Variants in CD247 observed in about 807,000 individuals in gnomAD.
The protein encoded by CD247 is CD247 molecule.
Under a neutral mutation model 30.0 loss-of-function variants are expected in CD247, and 13 were observed. That is an observed-to-expected ratio of 0.43 (90% CI 0.28 to 0.69). The LOEUF (loss-of-function observed/expected upper bound fraction) is 0.69, where lower values mean the gene tolerates loss of function less well. Among genes scored for constraint, CD247 ranks in the 30% least tolerant of loss-of-function variants. The pLI is 0.16. For missense variants in CD247, 193 were observed against 212.6 expected (o/e 0.91, Z 0.57); for synonymous variants, 72 against 80.0 (o/e 0.90, Z 0.53).
At chr1:167,504,865 C>T (rs1352836937) in intron 1 of CD247, among the ~76,000 whole-genome samples, 2 of 152,160 alleles carry the variant, frequency 1.3e-5, no homozygotes, top group Non-Finnish European at 2.9e-5. Context: ...CGTTGGTGAA[C>T]AACTGACAGG....
chr1:167,447,963 T>TGGGGG (rs200057872), intron 1 of CD247, among the ~76,000 whole-genome samples: 1 of 16,104 alleles, frequency 6.2e-5, no homozygotes, highest in Non-Finnish European at 1.3e-4. Context: ...GCAGCAGCTA[T>TGGGGG]GGGTGGGGGG....
At chr1:167,462,787 C>T (rs970453858) in intron 1 of CD247, among the ~76,000 whole-genome samples, 10 of 152,330 alleles carry the variant, frequency 6.6e-5, no homozygotes, top group African/African-American at 2.2e-4. Context: ...GAAGCCCTTC[C>T]GGCCCTCATC....
intron 1 of CD247, among the ~76,000 whole-genome samples, chr1:167,462,481 GTC>G (rs901204286): frequency 3.3e-5 from 5 of 152,254 alleles, no homozygotes; most frequent in Non-Finnish European, 5.9e-5. Flanking sequence ...GGACCTAGGC[GTC>G]TCTGCATGTG....
intron 1 of CD247, among the ~76,000 whole-genome samples, chr1:167,509,669 C>T (rs932313060): frequency 6.6e-6 from 1 of 152,146 alleles, no homozygotes; most frequent in African/African-American, 2.4e-5. Context: ...CTCTAGGGAA[C>T]TATTTCTGTT....
intron 1 of CD247, among the ~76,000 whole-genome samples, chr1:167,462,421 G>A (rs1334080474): frequency 6.6e-6 from 1 of 152,236 alleles, no homozygotes; most frequent in East Asian, 1.9e-4. Flanking sequence ...CTCTGGCAAA[G>A]CTGTGCCTCC....
intron 1 of CD247, among the ~76,000 whole-genome samples, chr1:167,453,956 C>T (rs952572547): frequency 2.0e-5 from 3 of 151,828 alleles, no homozygotes; most frequent in African/African-American, 7.3e-5. Context: ...AGAGTTAGAC[C>T]CTGCCTCAAA....
intron 4 of CD247, 28 bp from the exon 5 acceptor site, chr1:167,435,462 AG>A (rs1345088068): frequency 3.1e-6 from 5 of 1,600,216 alleles, no homozygotes; most frequent in Non-Finnish European, 4.3e-6. Flanking sequence ...AAGACGTTAG[AG>A]GGAGAGAAAC....
chr1:167,469,536 C>T (rs1004768301), intron 1 of CD247, among the ~76,000 whole-genome samples: 7 of 152,278 alleles, frequency 4.6e-5, no homozygotes, highest in South Asian at 2.1e-4. Flanking sequence ...AAGACAGTCA[C>T]GGGCATTGAC....
chr1:167,444,682 G>C lies in CD247; in HGVS notation c.59-3915C>G, dbSNP rs747401032. Reference sequence around the variant, plus strand: ...CATGAATGGATTGAGATTCAGACCTGCATCATTACAGGGGCCACAGCATGT... The same window carrying C: ...CATGAATGGATTGAGATTCAGACCTCCATCATTACAGGGGCCACAGCATGT... On this transcript the variant is annotated intron_variant, in intron 1 of 7. Coordinates refer to ENST00000362089, the MANE Select transcript of CD247 (RefSeq NM_198053.3). Among the ~76,000 whole-genome samples the C allele has an allele frequency of 5.3e-5, 8 of 152,276 alleles. No homozygotes were observed. The South Asian group carries it at 6.2e-4, about 12-fold the overall frequency.
chr1:167,470,504 T>TAAAAAAAAAAAAAAAAAAAAAA (rs55679205), intron 1 of CD247, among the ~76,000 whole-genome samples: 1 of 122,494 alleles, frequency 8.2e-6, no homozygotes, highest in African/African-American at 3.3e-5. Context: ...ATGTTAATTG[T>TAAAAAAAAAAAAAAAAAAAAAA]AAAAAAAAAA....
intron 1 of CD247, among the ~76,000 whole-genome samples, chr1:167,441,441 C>T (rs988285995): frequency 1.3e-5 from 2 of 152,090 alleles, no homozygotes; most frequent in African/African-American, 4.8e-5. Context: ...ATCTCCCTGT[C>T]CCCTAGTCCC....
intron 1 of CD247, among the ~76,000 whole-genome samples, chr1:167,491,380 C>A (rs1654442985): frequency 1.3e-5 from 2 of 152,122 alleles, no homozygotes; most frequent in Admixed American, 1.3e-4. Context: ...ACCAGCCTGA[C>A]CAACATGGAG....
At chr1:167,473,481 C>T (rs1341500744) in intron 1 of CD247, among the ~76,000 whole-genome samples, 1 of 152,218 alleles carries the variant, frequency 6.6e-6, no homozygotes, top group Non-Finnish European at 1.5e-5. Context: ...CAGAGCTTCT[C>T]GCCAACTCCT....
At chr1:167,493,968 G>T (rs137898604) in intron 1 of CD247, among the ~76,000 whole-genome samples, 7 of 152,262 alleles carry the variant, frequency 4.6e-5, no homozygotes, top group African/African-American at 1.7e-4. Context: ...TCTCACCATT[G>T]CAGAATCTGT....
At chr1:167,463,366 T>C (rs774940941) in intron 1 of CD247, among the ~76,000 whole-genome samples, 2 of 152,226 alleles carry the variant, frequency 1.3e-5, no homozygotes, top group Non-Finnish European at 2.9e-5. Context: ...TTAGCAGTGC[T>C]CATTCCTGCC....
At chr1:167,465,729 T>C (rs927518222) in intron 1 of CD247, among the ~76,000 whole-genome samples, 1 of 152,246 alleles carries the variant, frequency 6.6e-6, no homozygotes, top group African/African-American at 2.4e-5. Flanking sequence ...TGGGGGAATT[T>C]ATTTATTTCA....
intron 1 of CD247, among the ~76,000 whole-genome samples, chr1:167,470,522 A>G (rs6684245): frequency 0.56 from 81,435 of 144,192 alleles, 24,622 homozygotes; most frequent in Non-Finnish European, 0.7. Context: ...AAAAAAAAAA[A>G]AAAAAGAAAC....
intron 1 of CD247, among the ~76,000 whole-genome samples, chr1:167,492,041 C>G (rs765112847): frequency 6.6e-5 from 10 of 152,048 alleles, no homozygotes; most frequent in Admixed American, 4.6e-4. Flanking sequence ...ATTCTAGAGA[C>G]GGATGGTGGT....
intron 1 of CD247, among the ~76,000 whole-genome samples, chr1:167,452,930 T>C (rs1652425226): frequency 6.6e-6 from 1 of 151,496 alleles, no homozygotes; most frequent in Non-Finnish European, 1.5e-5. Context: ...TACACACACA[T>C]AAATAGAACA....
Sources: allele counts gnomAD v4.1 joint callset (sites outside exome capture counted in the v4.1 genomes callset), GRCh38; gene constraint gnomAD v4.1.1; transcripts MANE v1.5; gene names NCBI Gene and HGNC (gene_info 2026-07-23, HGNC 2026-07-21).